DMD: variants seen among roughly 807,000 people sequenced by gnomAD.
DMD encodes dystrophin, also known as mutant dystrophin.
A neutral mutation model predicts 330.1 loss-of-function variants in DMD; 63 were observed. The observed-to-expected ratio is 0.19, with a 90% CI of 0.16 to 0.24. The LOEUF is 0.24. Among genes scored for constraint, DMD ranks in the 10% least tolerant of loss-of-function variants. The pLI, the probability that DMD is intolerant of heterozygous loss-of-function variation, is 1.00. For missense variants in DMD, 3,344 were observed against 2,684.1 expected (o/e 1.25, Z -5.43); for synonymous variants, 1,223 against 959.8 (o/e 1.27, Z -5.07).
At chrX:31,922,525 T>TGTGTGC (rs773093542) in intron 47 of DMD, among the ~76,000 whole-genome samples, 3,541 of 106,268 alleles carry the variant, frequency 0.033, 85 homozygotes, top group Non-Finnish European at 0.047. Flanking sequence ...TGTGTGTGTG[T>TGTGTGC]GCGCGCGCGT....
At chrX:32,673,983 C>T (rs2061800095) in intron 9 of DMD, among the ~76,000 whole-genome samples, 1 of 111,563 alleles carries the variant, frequency 9.0e-6, no homozygotes, top group Non-Finnish European at 1.9e-5. Flanking sequence ...ATCACTCAAA[C>T]CTAGGGCAAG....
intron 9 of DMD, among the ~76,000 whole-genome samples, chrX:32,647,717 A>G (rs981303040): frequency 3.6e-5 from 4 of 112,085 alleles, no homozygotes; most frequent in Admixed American, 2.8e-4. Context: ...AATGCACTTC[A>G]CAGAGTGACC....
chrX:31,558,870 T>C (rs902008445), intron 55 of DMD, among the ~76,000 whole-genome samples: 1 of 111,254 alleles, frequency 9.0e-6, no homozygotes, highest in South Asian at 3.8e-4. Flanking sequence ...GGTAAGGAGT[T>C]TGAATTCAAT....
chrX:33,330,543 A>G (rs1282746908), intron 1 of DMD, among the ~76,000 whole-genome samples: 4 of 111,886 alleles, frequency 3.6e-5, no homozygotes, highest in Non-Finnish European at 5.6e-5. Context: ...CATAGGAAAA[A>G]GTTTCCAGGG....
At chrX:31,352,023 T>G (rs191287837) in intron 60 of DMD, among the ~76,000 whole-genome samples, 1 of 110,962 alleles carries the variant, frequency 9.0e-6, no homozygotes, top group Non-Finnish European at 1.9e-5. Context: ...TGCTCTTAAC[T>G]GCTATCCTGA....
chrX:31,338,309 CAAAA>C (rs752828727), intron 61 of DMD, among the ~76,000 whole-genome samples: 640 of 53,380 alleles, frequency 0.012, 7 homozygotes, highest in African/African-American at 0.044. Context: ...AGTAAAAATA[CAAAA>C]AAAAAAAAAA....
At chrX:32,726,918 A>G (rs2066953151) in intron 7 of DMD, among the ~76,000 whole-genome samples, 1 of 110,619 alleles carries the variant, frequency 9.0e-6, no homozygotes, top group Admixed American at 9.7e-5. Context: ...TATGACTACC[A>G]TGACGATAAA....
chrX:32,554,825 GGGGAGGGAGAGA>G (rs1189333932), intron 16 of DMD, among the ~76,000 whole-genome samples: 2 of 7,362 alleles, frequency 2.7e-4, no homozygotes, highest in African/African-American at 1.3e-3. Context: ...AGGGAGGGAG[GGGGAGGGAGAGA>G]GAGAGAGAGA....
intron 1 of DMD, among the ~76,000 whole-genome samples, chrX:33,267,520 CA>C (rs35987440): frequency 0.51 from 53,711 of 104,415 alleles, 12,725 homozygotes; most frequent in Non-Finnish European, 0.73. Context: ...CATATGCAAC[CA>C]AAAAAAAAAA....
intron 55 of DMD, among the ~76,000 whole-genome samples, chrX:31,572,928 A>AT (rs2075900729): frequency 1.8e-5 from 2 of 111,008 alleles, no homozygotes; most frequent in Admixed American, 9.6e-5. Flanking sequence ...TTCCTCCCAG[A>AT]TTTTTTTCTC....
At chrX:33,277,766 C>T (rs938424445) in intron 1 of DMD, among the ~76,000 whole-genome samples, 12 of 111,201 alleles carry the variant, frequency 1.1e-4, no homozygotes, top group East Asian at 5.7e-4. Context: ...AGTTCACAAG[C>T]GGGCAACCAC....
chrX:31,614,781 C>T (rs1246025056), intron 55 of DMD, among the ~76,000 whole-genome samples: 1 of 111,900 alleles, frequency 8.9e-6, no homozygotes, highest in Non-Finnish European at 1.9e-5. Context: ...AACTTTCTGA[C>T]ATTTTATTTT....
intron 7 of DMD, among the ~76,000 whole-genome samples, chrX:32,708,158 T>G (rs1318523837): frequency 8.9e-6 from 1 of 111,949 alleles, no homozygotes; most frequent in East Asian, 2.8e-4. Flanking sequence ...TGACATAAAT[T>G]TAATTGGTTA....
chrX:32,252,039 A>G (rs1391305815), intron 43 of DMD, among the ~76,000 whole-genome samples: 1 of 111,821 alleles, frequency 8.9e-6, no homozygotes, highest in Non-Finnish European at 1.9e-5. Context: ...GAATCAAAAA[A>G]TAAACTTGTA....
In DMD at chrX:32,233,650, G is replaced by T. The variant is rs188868734; in HGVS notation, c.6291-16587C>A. On this transcript the variant is annotated intron_variant, in intron 43 of 78. Transcript: ENST00000357033. ...TTATTTATTTATTTATTTATTTATT[G>T]AGACGGAGCTTCGCTCTTGTTGCCC... 3.4e-3 allele frequency among the ~76,000 whole-genome samples: 254 copies of T among 73,717 alleles called. 1 individual carries two copies. The highest frequency in any genetic ancestry group is 0.013 in the African/African-American group (239 of 18,484). The allele number at this position is 73,717 out of a possible 115,157, so 64.0% of individuals were successfully genotyped here.
chrX:31,891,832 T>C (rs2094256709), intron 47 of DMD, among the ~76,000 whole-genome samples: 2 of 112,089 alleles, frequency 1.8e-5, no homozygotes, highest in African/African-American at 3.2e-5. Flanking sequence ...GTCTTGGTCC[T>C]GCCTGTATTT....
At chrX:31,921,533 T>G (rs750513338) in intron 47 of DMD, among the ~76,000 whole-genome samples, 1 of 112,146 alleles carries the variant, frequency 8.9e-6, no homozygotes, top group African/African-American at 3.2e-5. Flanking sequence ...TTTACAACTT[T>G]GATTAAGAAG....
At chrX:32,742,887 A>T (rs976847958) in intron 7 of DMD, among the ~76,000 whole-genome samples, 6 of 111,870 alleles carry the variant, frequency 5.4e-5, no homozygotes, top group African/African-American at 9.7e-5. Flanking sequence ...TACTATTATG[A>T]TCCCCATTTT....
At chrX:31,441,504 T>C (rs2064955129) in intron 60 of DMD, among the ~76,000 whole-genome samples, 1 of 112,707 alleles carries the variant, frequency 8.9e-6, no homozygotes, top group Non-Finnish European at 1.9e-5. Flanking sequence ...GAGAGTTCTT[T>C]ACTTTTTGAT....
Sources: gnomAD v4.1 joint callset for allele counts (sites outside exome capture counted in the v4.1 genomes callset) on GRCh38, gnomAD v4.1.1 for gene constraint, MANE v1.5 for transcripts, NCBI Gene and HGNC (gene_info 2026-07-23, HGNC 2026-07-21) for gene names.